The following R3HCC1L variants were observed in gnomAD, a reference collection of about 807,000 sequenced individuals.
R3HCC1L encodes the protein R3H domain and coiled-coil containing 1 like, also known as coiled-coil domain-containing protein R3HCC1L.
R3HCC1L carries 51 observed loss-of-function variants against 59.9 expected under a neutral mutation model. That is an observed-to-expected ratio of 0.85 (90% CI 0.68 to 1.07). R3HCC1L has a LOEUF of 1.07. Among genes scored for constraint, R3HCC1L ranks in the 50% least tolerant of loss-of-function variants. R3HCC1L has a pLI of 0.00. For missense variants in R3HCC1L, 965 were observed against 933.0 expected (o/e 1.03, Z -0.45); for synonymous variants, 322 against 315.2 (o/e 1.02, Z -0.23).
chr10:98,235,466 C>A lies in R3HCC1L; in HGVS notation c.2074C>A (p.Arg692Ser). The change falls in exon 8 of 10, where the codon CGT becomes AGT. Residue 692 changes from arginine to serine, a missense_variant. Arg to Ser is a moderately radical substitution (Grantham distance 110). Coordinates refer to ENST00000298999, the MANE Select transcript of R3HCC1L (RefSeq NM_001351015.2). ...LGIKHTMVKI[R>S]PLSQATRAAK... ...TATTAAACACACCATGGTGAAGATT[C>A]GTCCCTTGTCACAGGCCACAAGAGC... is the stretch of plus-strand genomic sequence containing the variant. 2.5e-6 allele frequency: 4 copies of A among 1,613,716 alleles called. No individual in the cohort carries two copies. The highest frequency in any genetic ancestry group is 3.4e-6 in the Non-Finnish European group (4 of 1,179,796).
chr10:98,174,709 T>C, intron 4 of R3HCC1L: 21 of 984,240 alleles, frequency 2.1e-5, no homozygotes, highest in Non-Finnish European at 2.5e-5. Context: ...CTGAGAATGA[T>C]AGAAGTATTA....
Position 98,134,665 on chromosome 10 carries a change from A to C in R3HCC1L, c.-309A>C, listed in dbSNP as rs1050609984. 1 of 152,370 alleles carries C rather than the reference A, an allele frequency of 6.6e-6. No individual in the cohort carries two copies. Among genetic ancestry groups the C allele is most frequent in the South Asian group, 2.1e-4 (1 of 4,828 alleles). The allele number at this position is 152,370 out of a possible 1,614,324, so 9.4% of individuals were successfully genotyped here. A position where few individuals can be genotyped will look rare whatever the true frequency, so the allele number is the denominator to read the frequency against. On this transcript the variant is annotated 5_prime_UTR_variant, in exon 1 of 10. Transcript: ENST00000298999. ...CCAGCGGCGCGAGCGGAAGAGATAG[A>C]GCTTCGCGGAGACGGCGGAAGCGGA...
intron 5 of R3HCC1L, among the ~76,000 whole-genome samples, chr10:98,218,013 C>G (rs1194552759): frequency 6.6e-6 from 1 of 152,038 alleles, no homozygotes; most frequent in Admixed American, 6.6e-5. Flanking sequence ...ATTTCTCTTT[C>G]CTGTTGCTCT....
chr10:98,204,220 C>A (rs1342125910), intron 4 of R3HCC1L, among the ~76,000 whole-genome samples: 1 of 152,142 alleles, frequency 6.6e-6, no homozygotes, highest in Non-Finnish European at 1.5e-5. Context: ...ACCAGCCTGA[C>A]CAACATAGAG....
chr10:98,183,303 G>A (rs1300086084), intron 4 of R3HCC1L, among the ~76,000 whole-genome samples: 1 of 146,854 alleles, frequency 6.8e-6, no homozygotes, highest in Admixed American at 6.7e-5. Context: ...ATTTCTGAAA[G>A]TTCTTATCCT....
At chr10:98,153,285 G>A (rs1846457857) in intron 1 of R3HCC1L, among the ~76,000 whole-genome samples, 1 of 152,176 alleles carries the variant, frequency 6.6e-6, no homozygotes, top group Non-Finnish European at 1.5e-5. Context: ...CTTCTGCCTT[G>A]GGATGCTGTT....
At chr10:98,238,695 C>CT (rs1441691185) in intron 9 of R3HCC1L, among the ~76,000 whole-genome samples, 1 of 152,124 alleles carries the variant, frequency 6.6e-6, no homozygotes, top group Non-Finnish European at 1.5e-5. Flanking sequence ...TTCTGTAATA[C>CT]TGTAATCCCC....
chr10:98,164,092 G>GAT (rs1361459163), intron 4 of R3HCC1L, among the ~76,000 whole-genome samples: 2 of 152,146 alleles, frequency 1.3e-5, no homozygotes, highest in Non-Finnish European at 2.9e-5. Flanking sequence ...TGTGCAGGGT[G>GAT]ATAGCTTTAG....
intron 4 of R3HCC1L, among the ~76,000 whole-genome samples, chr10:98,184,312 G>C (rs1050107596): frequency 1.3e-5 from 2 of 152,038 alleles, no homozygotes; most frequent in African/African-American, 4.8e-5. Flanking sequence ...CAATGTTTTG[G>C]TCAACAGCAG....
intron 1 of R3HCC1L, among the ~76,000 whole-genome samples, chr10:98,154,577 A>G (rs1482545489): frequency 2.0e-5 from 3 of 151,628 alleles, no homozygotes; most frequent in Admixed American, 6.5e-5. Context: ...TTTTGCTCAT[A>G]TTCCATTGGT....
chr10:98,178,466 G>T (rs1204766717), intron 4 of R3HCC1L, among the ~76,000 whole-genome samples: 1 of 152,148 alleles, frequency 6.6e-6, no homozygotes, highest in Admixed American at 6.5e-5. Flanking sequence ...GGTTACTGTA[G>T]CCTTGTAGTA....
At chr10:98,199,443 ATTTTT>A (rs146538649) in intron 4 of R3HCC1L, among the ~76,000 whole-genome samples, 1 of 148,938 alleles carries the variant, frequency 6.7e-6, no homozygotes, top group African/African-American at 2.5e-5. Flanking sequence ...AATTTTAGTG[ATTTTT>A]TTTTTAATTA....
At chr10:98,155,690 A>G (rs1377000202) in intron 1 of R3HCC1L, among the ~76,000 whole-genome samples, 1 of 152,038 alleles carries the variant, frequency 6.6e-6, no homozygotes, top group Admixed American at 6.5e-5. Flanking sequence ...CACTCTCTCT[A>G]GTCCTCTCCC....
intron 8 of R3HCC1L, 93 bp downstream of exon 8, chr10:98,235,613 T>C (rs755035439): frequency 9.7e-5 from 89 of 913,880 alleles, no homozygotes; most frequent in Middle Eastern, 2.2e-4. Context: ...TAAAGACATA[T>C]CACTTTTATT....
chr10:98,227,707 A>G (rs1166200197), intron 5 of R3HCC1L, among the ~76,000 whole-genome samples: 3 of 151,790 alleles, frequency 2.0e-5, no homozygotes, highest in African/African-American at 2.4e-5. Context: ...CATTAGGTAT[A>G]TCTCCTAATG....
intron 5 of R3HCC1L, among the ~76,000 whole-genome samples, chr10:98,211,650 C>G (rs964133567): frequency 1.3e-5 from 2 of 152,066 alleles, no homozygotes; most frequent in Non-Finnish European, 2.9e-5. Context: ...GAGCGTGGCT[C>G]TCATGGCCTT....
intron 4 of R3HCC1L, chr10:98,186,503 A>C: frequency 1.5e-5 from 15 of 983,566 alleles, no homozygotes; most frequent in Non-Finnish European, 1.8e-5. Context: ...TGGATCTTAC[A>C]TAAACCTTTA....
intron 9 of R3HCC1L, among the ~76,000 whole-genome samples, chr10:98,237,570 C>T (rs12249402): frequency 2.0e-5 from 3 of 152,174 alleles, no homozygotes; most frequent in African/African-American, 7.2e-5. Flanking sequence ...ATGCAAAGGA[C>T]ATTTCAGTGA....
At chr10:98,202,547 G>A (rs1841775830) in intron 4 of R3HCC1L, among the ~76,000 whole-genome samples, 2 of 152,038 alleles carry the variant, frequency 1.3e-5, no homozygotes, top group South Asian at 4.1e-4. Flanking sequence ...TACATAAGGA[G>A]CATTCTCTTA....
Sources: allele counts gnomAD v4.1 joint callset (sites outside exome capture counted in the v4.1 genomes callset), GRCh38; gene constraint gnomAD v4.1.1; transcripts MANE v1.5; gene names NCBI Gene and HGNC (gene_info 2026-07-23, HGNC 2026-07-21).